The following CABCOCO1 variants were observed in gnomAD, a reference collection of about 807,000 sequenced individuals.
CABCOCO1 encodes the protein ciliary-associated calcium-binding coiled-coil protein 1.
CABCOCO1 carries 28 observed loss-of-function variants against 35.7 expected under a neutral mutation model. The observed-to-expected ratio is 0.78, with a 90% CI of 0.58 to 1.07. The LOEUF is 1.07. Ranked by LOEUF, CABCOCO1 falls within the 50% of genes least tolerant of loss-of-function variation. CABCOCO1 has a pLI of 0.00. For missense variants in CABCOCO1, 326 were observed against 309.2 expected, an observed-to-expected ratio of 1.05 and a Z score of -0.41; for synonymous variants, 95 against 100.1, an observed-to-expected ratio of 0.95 and a Z score of 0.30.
chr10:61,671,484 C>T (rs1247775049), intron 1 of CABCOCO1, among the ~76,000 whole-genome samples: 2 of 152,122 alleles, frequency 1.3e-5, no homozygotes, highest in African/African-American at 4.8e-5. Flanking sequence ...TTCAGCACTT[C>T]CTCCACCCAA....
rs559848460 is a variant in CABCOCO1 at position 61,695,630 on chromosome 10, A to T, written c.552+5009A>T. On this transcript the variant is annotated intron_variant, in intron 5 of 7. Transcript: ENST00000648843. ...GACAATCTTAAAACCAGCCATAGAA[A>T]ACAAAAGACATATGTCCTTTAAAGA... Among the ~76,000 whole-genome samples the T allele has an allele frequency of 5.3e-5, 8 of 152,218 alleles. No homozygotes were observed. In the South Asian group the frequency reaches 1.7e-3, roughly 32 times the overall value.
At chr10:61,727,193 G>A (rs189598208) in intron 5 of CABCOCO1, among the ~76,000 whole-genome samples, 10 of 152,044 alleles carry the variant, frequency 6.6e-5, no homozygotes, top group African/African-American at 2.2e-4. Context: ...CTTAACACAG[G>A]GAAGTACTCA....
chr10:61,687,571 C>T (rs1041875343), intron 4 of CABCOCO1, among the ~76,000 whole-genome samples: 20 of 152,196 alleles, frequency 1.3e-4, no homozygotes, highest in African/African-American at 4.3e-4. Flanking sequence ...CCATAATGAC[C>T]CCTTCTGGAA....
chr10:61,729,734 T>C (rs1841256502), intron 5 of CABCOCO1, among the ~76,000 whole-genome samples: 1 of 152,206 alleles, frequency 6.6e-6, no homozygotes, highest in South Asian at 2.1e-4. Context: ...CAACAGATAA[T>C]GGATTTTAGA....
chr10:61,680,600 A>ATT (rs1441022368), intron 2 of CABCOCO1, among the ~76,000 whole-genome samples: 17 of 17,942 alleles, frequency 9.5e-4, no homozygotes, highest in African/African-American at 2.1e-3. Flanking sequence ...TATGTTATAC[A>ATT]TGTATAACAT....
At chr10:61,749,864 A>G (rs1198979172) in intron 5 of CABCOCO1, among the ~76,000 whole-genome samples, 1 of 152,094 alleles carries the variant, frequency 6.6e-6, no homozygotes, top group Non-Finnish European at 1.5e-5. Flanking sequence ...AGTCAATAAA[A>G]CCTTTCCTCC....
intron 5 of CABCOCO1, among the ~76,000 whole-genome samples, chr10:61,695,101 C>T (rs1337921940): frequency 6.6e-6 from 1 of 151,650 alleles, no homozygotes; most frequent in African/African-American, 2.4e-5. Flanking sequence ...AGTAATTAGT[C>T]ATGTGCTTGA....
At chr10:61,759,973 C>A in intron 5 of CABCOCO1, 86 bp from the exon 6 acceptor site, 2 of 1,498,786 alleles carry the variant, frequency 1.3e-6, no homozygotes, top group Non-Finnish European at 1.8e-6. Context: ...AGACTTGGAA[C>A]TATGGTACAT....
At chr10:61,691,202 G>C (rs1440619036) in intron 5 of CABCOCO1, among the ~76,000 whole-genome samples, 1 of 152,092 alleles carries the variant, frequency 6.6e-6, no homozygotes, top group Non-Finnish European at 1.5e-5. Flanking sequence ...TATTCACTGT[G>C]TTATATGGTT....
At chr10:61,670,654 T>C (rs1042743122) in intron 1 of CABCOCO1, among the ~76,000 whole-genome samples, 1 of 152,174 alleles carries the variant, frequency 6.6e-6, no homozygotes, top group Non-Finnish European at 1.5e-5. Context: ...CTTTTGGAAC[T>C]CAATCGCATG....
intron 2 of CABCOCO1, among the ~76,000 whole-genome samples, chr10:61,674,942 CTG>C (rs1839464822): frequency 6.6e-6 from 1 of 152,016 alleles, no homozygotes; most frequent in South Asian, 2.1e-4. Context: ...AAAAATAACA[CTG>C]AGACATTTTT....
chr10:61,675,455 G>GA (rs1839484451), intron 2 of CABCOCO1, among the ~76,000 whole-genome samples: 1 of 152,030 alleles, frequency 6.6e-6, no homozygotes. Context: ...GGAAGTGTGG[G>GA]GGACAGCAAA....
intron 5 of CABCOCO1, among the ~76,000 whole-genome samples, chr10:61,694,592 C>A (rs1840244170): frequency 6.6e-6 from 1 of 151,858 alleles, no homozygotes; most frequent in East Asian, 1.9e-4. Context: ...TTGGTCAACA[C>A]TTCCACTGAG....
intron 5 of CABCOCO1, chr10:61,701,765 T>A (rs928823134): frequency 2.0e-6 from 2 of 985,164 alleles, no homozygotes; most frequent in African/African-American, 3.5e-5. Flanking sequence ...CATTTTCAAA[T>A]CAAAATGTTG....
intron 1 of CABCOCO1, among the ~76,000 whole-genome samples, chr10:61,671,787 T>G (rs934498698): frequency 2.0e-5 from 3 of 152,170 alleles, no homozygotes; most frequent in African/African-American, 7.2e-5. Context: ...AAAGCACAGT[T>G]TTGTCTTGTC....
At chr10:61,690,181 G>A (rs1480299380) in intron 4 of CABCOCO1, among the ~76,000 whole-genome samples, 1 of 152,052 alleles carries the variant, frequency 6.6e-6, no homozygotes, top group Admixed American at 6.6e-5. Context: ...CCTGTTTGCA[G>A]CAAAAGAGCA....
At chr10:61,685,232 C>G (rs541826932) in intron 3 of CABCOCO1, 250 of 152,234 alleles carry the variant, frequency 1.6e-3, no homozygotes, top group African/African-American at 5.6e-3. Context: ...ATCTTCAGAC[C>G]CAGATTTACA....
chr10:61,690,604 A>C lies in CABCOCO1; in HGVS notation c.535A>C (p.Ile179Leu). Residue 179 changes from isoleucine (I) to leucine (L), a missense_variant, in exon 5 of 8, where the codon ATT becomes CTT. Ile to Leu is a conservative substitution (Grantham distance 5). Transcript: ENST00000648843. ...TATGTTCTACTCTGCCAGGGAAGAA[A>C]TTGTGATAGGAACTGAGGTAAGTAA... ...EFMFYSAREE[I>L]VIGTEQVIEV... 2 of 1,602,162 alleles carry C rather than the reference A, an allele frequency of 1.2e-6. No individual in the cohort carries two copies. The highest frequency in any genetic ancestry group is 1.7e-6 in the Non-Finnish European group (2 of 1,170,072).
At chr10:61,678,833 T>A (rs1411997010) in intron 2 of CABCOCO1, among the ~76,000 whole-genome samples, 1 of 152,082 alleles carries the variant, frequency 6.6e-6, no homozygotes, top group East Asian at 1.9e-4. Context: ...ATATACCAAA[T>A]GGCATTATGG....
Sources: gnomAD v4.1 joint callset for allele counts (sites outside exome capture counted in the v4.1 genomes callset) on GRCh38, gnomAD v4.1.1 for gene constraint, MANE v1.5 for transcripts, NCBI Gene and HGNC (gene_info 2026-07-23, HGNC 2026-07-21) for gene names.